Variants in MTHFD1L observed in about 807,000 individuals in gnomAD.
The protein encoded by MTHFD1L is monofunctional C1-tetrahydrofolate synthase, mitochondrial.
Under a neutral mutation model 119.5 loss-of-function variants are expected in MTHFD1L, and 81 were observed. The ratio of observed to expected loss-of-function variants is 0.68; its 90% CI spans 0.57 to 0.82. The LOEUF is 0.82. Ranked by LOEUF, MTHFD1L falls within the 40% of genes least tolerant of loss-of-function variation. The pLI is 0.00. For synonymous variants in MTHFD1L, 430 were observed against 475.2 expected, an observed-to-expected ratio of 0.90 and a Z score of 1.24; for missense variants, 1,125 against 1,253.4, an observed-to-expected ratio of 0.90 and a Z score of 1.55.
chr6:150,993,775 G>A (rs1233045594), intron 20 of MTHFD1L, among the ~76,000 whole-genome samples: 10 of 152,046 alleles, frequency 6.6e-5, no homozygotes, highest in African/African-American at 1.7e-4. Context: ...CTTCAGTGGC[G>A]TAGCTTGGGG....
At chr6:150,941,448 C>T (rs1051899881) in intron 13 of MTHFD1L, among the ~76,000 whole-genome samples, 3 of 152,162 alleles carry the variant, frequency 2.0e-5, no homozygotes, top group East Asian at 1.9e-4. Context: ...ATTAAAATCA[C>T]CCTGTCTTCT....
intron 5 of MTHFD1L, 78 bp downstream of exon 5, chr6:150,882,964 T>C: frequency 1.5e-6 from 2 of 1,309,688 alleles, no homozygotes; most frequent in African/African-American, 1.6e-5. Flanking sequence ...TTTTTCTAAA[T>C]TTCTTCTATT....
intron 7 of MTHFD1L, among the ~76,000 whole-genome samples, chr6:150,901,675 TTC>T (rs1222315793): frequency 1.3e-5 from 2 of 152,178 alleles, no homozygotes; most frequent in East Asian, 3.8e-4. Context: ...CCCTGCTCTG[TTC>T]TCTGTGTCTG....
intron 18 of MTHFD1L, among the ~76,000 whole-genome samples, chr6:150,964,067 G>A (rs980378170): frequency 6.6e-6 from 1 of 152,200 alleles, no homozygotes; most frequent in African/African-American, 2.4e-5. Context: ...TACTGGGGAG[G>A]CTGAGGCAGA....
intron 20 of MTHFD1L, among the ~76,000 whole-genome samples, chr6:150,989,568 A>G (rs961091804): frequency 6.6e-6 from 1 of 152,230 alleles, no homozygotes; most frequent in Non-Finnish European, 1.5e-5. Flanking sequence ...TAGTGGATGC[A>G]ATGTAAATAT....
At chr6:151,032,959 A>G (rs898809753) in intron 24 of MTHFD1L, among the ~76,000 whole-genome samples, 13 of 152,280 alleles carry the variant, frequency 8.5e-5, no homozygotes, top group Non-Finnish European at 1.8e-4. Context: ...TCTTGTATCA[A>G]TAGTATTTCA....
At chr6:151,046,784 T>C (rs1289891993) in intron 26 of MTHFD1L, among the ~76,000 whole-genome samples, 3 of 152,014 alleles carry the variant, frequency 2.0e-5, no homozygotes. Flanking sequence ...GGAAATAAAA[T>C]GAATGCAAAC....
chr6:151,043,724 A>G (rs932227045), intron 26 of MTHFD1L, among the ~76,000 whole-genome samples: 2 of 152,166 alleles, frequency 1.3e-5, no homozygotes, highest in African/African-American at 2.4e-5. Context: ...ACTGGCAAAC[A>G]TGGGACATAG....
At position 151,039,049 on chromosome 6, in the gene MTHFD1L, G is replaced by T. The variant is rs1228005485; in HGVS notation, c.2847+1932G>T. Among the ~76,000 whole-genome samples, 2 of 152,190 alleles carry T rather than the reference G, an allele frequency of 1.3e-5. No individual in the cohort carries two copies. The highest frequency in any genetic ancestry group is 2.9e-5 in the Non-Finnish European group (2 of 68,042). On this transcript the variant is annotated intron_variant, in intron 26 of 27. Coordinates refer to ENST00000367321, the MANE Select transcript of MTHFD1L (RefSeq NM_015440.5). This position sits in a 1 kb window ranked among gnomAD's most constrained non-coding sequence, Gnocchi z 4.4. ...GGGTTTAAGGATATGGGTGAAGGCA[G>T]TCGTTAAACAAGAGACACAGGGATA...
chr6:151,084,970 G>GAAAAAAA (rs3055594), intron 26 of MTHFD1L, among the ~76,000 whole-genome samples: 2 of 120,186 alleles, frequency 1.7e-5, no homozygotes, highest in African/African-American at 6.7e-5. Flanking sequence ...CCATCTCAAA[G>GAAAAAAA]AAAAAAAAAA....
At chr6:151,016,126 C>G (rs1490460539) in intron 24 of MTHFD1L, among the ~76,000 whole-genome samples, 3 of 152,056 alleles carry the variant, frequency 2.0e-5, no homozygotes, top group African/African-American at 7.2e-5. Context: ...AGAGTTTAAG[C>G]CATATGACAA....
At chr6:150,943,112 C>T (rs1386854697) in intron 13 of MTHFD1L, among the ~76,000 whole-genome samples, 1 of 151,842 alleles carries the variant, frequency 6.6e-6, no homozygotes, top group Non-Finnish European at 1.5e-5. Context: ...GAAACCACAT[C>T]TCTACTAAAA....
chr6:150,918,005 A>G (rs577816888), intron 8 of MTHFD1L, among the ~76,000 whole-genome samples: 1 of 151,296 alleles, frequency 6.6e-6, no homozygotes, highest in South Asian at 2.1e-4. Flanking sequence ...TTGAAAGCAC[A>G]TGATGTGCTT....
intron 26 of MTHFD1L, among the ~76,000 whole-genome samples, chr6:151,052,849 A>G (rs1789273801): frequency 6.6e-6 from 1 of 152,210 alleles, no homozygotes; most frequent in South Asian, 2.1e-4. Context: ...TGTGAGCCTG[A>G]GCCCAGCCCC....
intron 5 of MTHFD1L, among the ~76,000 whole-genome samples, chr6:150,885,201 T>G (rs1240255111): frequency 2.6e-5 from 1 of 37,826 alleles, no homozygotes; most frequent in African/African-American, 1.5e-4. Context: ...TTTTATGGGT[T>G]TTTTTTTTTT....
At chr6:150,884,386 T>C (rs528562952) in intron 5 of MTHFD1L, among the ~76,000 whole-genome samples, 8 of 151,830 alleles carry the variant, frequency 5.3e-5, no homozygotes, top group African/African-American at 1.7e-4. Context: ...GTGACCCGCC[T>C]GCCTCGGCCT....
At chr6:150,937,385 G>A (rs958769522) in intron 12 of MTHFD1L, among the ~76,000 whole-genome samples, 14 of 152,144 alleles carry the variant, frequency 9.2e-5, no homozygotes, top group African/African-American at 2.2e-4. Flanking sequence ...ACAGCGAGTC[G>A]TGATGAAATT....
At chr6:151,094,580 G>A (rs1794735346) in intron 27 of MTHFD1L, among the ~76,000 whole-genome samples, 1 of 151,826 alleles carries the variant, frequency 6.6e-6, no homozygotes, top group South Asian at 2.1e-4. Flanking sequence ...GTCTTACTCT[G>A]TTGCCAAGGC....
chr6:150,982,445 A>AGGGGCTTTCAGATTG (rs1259771457), intron 20 of MTHFD1L, among the ~76,000 whole-genome samples: 2 of 152,286 alleles, frequency 1.3e-5, no homozygotes, highest in African/African-American at 4.8e-5. Context: ...TTATTTGTCA[A>AGGGGCTTTCAGATTG]GGGGCTTTCA....
Sources: allele counts gnomAD v4.1 joint callset (sites outside exome capture counted in the v4.1 genomes callset), GRCh38; gene constraint gnomAD v4.1.1; non-coding constraint Gnocchi (gnomAD v3.1); transcripts MANE v1.5; gene names NCBI Gene and HGNC (gene_info 2026-07-23, HGNC 2026-07-21).